Variants in BRINP3 observed in about 807,000 individuals in gnomAD.
The protein encoded by BRINP3 is BMP/retinoic acid-inducible neural-specific protein 3.
BRINP3 carries 19 observed loss-of-function variants against 71.0 expected under a neutral mutation model. The ratio of observed to expected loss-of-function variants is 0.27; its 90% confidence interval spans 0.19 to 0.39. The LOEUF (loss-of-function observed/expected upper bound fraction) is 0.39, where lower values mean the gene tolerates loss of function less well. Among genes scored for constraint, BRINP3 ranks in the 10% least tolerant of loss-of-function variants. The pLI is 1.00. For missense variants in BRINP3, 959 were observed against 940.8 expected, an observed-to-expected ratio of 1.02 and a Z score of -0.25; for synonymous variants, 380 against 337.7, an observed-to-expected ratio of 1.13 and a Z score of -1.37.
rs1447637430 is a variant in BRINP3, at chr1:190,268,412, A to C, written c.428-3357T>G. Among the ~76,000 whole-genome samples the C allele has an allele frequency of 2.6e-5, 4 of 152,198 alleles. No homozygotes were observed. The East Asian group carries it at 7.7e-4, about 29-fold the overall frequency. On this transcript the variant is annotated intron_variant, in intron 3 of 7. Coordinates refer to ENST00000367462, the MANE Select transcript of BRINP3 (RefSeq NM_199051.3). The stretch of plus-strand genomic sequence containing the variant: ...CTCCACCTTGTAAATACTTCTTTAA[A>C]GAAGTGAAATATAGGATCCTAAGCA...
At chr1:190,426,888 A>G (rs943341458) in intron 2 of BRINP3, among the ~76,000 whole-genome samples, 2 of 151,942 alleles carry the variant, frequency 1.3e-5, no homozygotes, top group African/African-American at 4.8e-5. Flanking sequence ...GGGGAGTCCA[A>G]ATGATAGTTA....
chr1:190,346,293 T>G lies in BRINP3; in HGVS notation c.237-64543A>C, dbSNP rs4582792. 8.7e-3 allele frequency among the ~76,000 whole-genome samples: 1,331 copies of G among 152,144 alleles called. 13 individuals are homozygous for G. The highest frequency in any genetic ancestry group is 0.029 in the African/African-American group (1,221 of 41,550). ...AGTGAAGATTTATTTATATGTGAAA[T>G]ATAACTAATATAGGAAAATAATGGG... On this transcript the variant is annotated intron_variant, in intron 2 of 7. Coordinates refer to ENST00000367462, the MANE Select transcript of BRINP3 (RefSeq NM_199051.3).
intron 4 of BRINP3, among the ~76,000 whole-genome samples, chr1:190,256,750 A>C (rs1249011763): frequency 6.6e-6 from 1 of 152,098 alleles, no homozygotes. Context: ...TATGAAGCTT[A>C]GTTTGAGCTG....
At chr1:190,192,632 GT>G (rs1318890812) in intron 6 of BRINP3, among the ~76,000 whole-genome samples, 6 of 151,614 alleles carry the variant, frequency 4.0e-5, no homozygotes, top group African/African-American at 1.2e-4. Flanking sequence ...TATGCAAGAA[GT>G]TCTCTATGAC....
chr1:190,398,831 C>T (rs943101491), intron 2 of BRINP3, among the ~76,000 whole-genome samples: 3 of 152,004 alleles, frequency 2.0e-5, no homozygotes, highest in African/African-American at 7.2e-5. Flanking sequence ...TGATGTGCCT[C>T]TGCTGCCAAA....
intron 1 of BRINP3, among the ~76,000 whole-genome samples, chr1:190,462,726 T>C (rs915556233): frequency 6.6e-6 from 1 of 152,126 alleles, no homozygotes. Context: ...AGATCTCATT[T>C]GTACTCTTGA....
At chr1:190,321,346 G>T (rs1666225373) in intron 2 of BRINP3, among the ~76,000 whole-genome samples, 1 of 151,950 alleles carries the variant, frequency 6.6e-6, no homozygotes, top group African/African-American at 2.4e-5. Context: ...ACCTCCTAAA[G>T]TACCATTCAT....
chr1:190,409,846 A>G (rs1672548147), intron 2 of BRINP3, among the ~76,000 whole-genome samples: 1 of 152,136 alleles, frequency 6.6e-6, no homozygotes, highest in South Asian at 2.1e-4. Context: ...TTTATGGGTA[A>G]AGAGTAATGA....
At chr1:190,264,525 G>C (rs1483875973) in intron 4 of BRINP3, among the ~76,000 whole-genome samples, 1 of 152,042 alleles carries the variant, frequency 6.6e-6, no homozygotes, top group African/African-American at 2.4e-5. Context: ...ATAAATTAAG[G>C]AGAATTATAA....
At chr1:190,263,061 T>C (rs1175288840) in intron 4 of BRINP3, among the ~76,000 whole-genome samples, 1 of 152,156 alleles carries the variant, frequency 6.6e-6, no homozygotes, top group Non-Finnish European at 1.5e-5. Context: ...ACAGACACAC[T>C]TGGTGCTGAA....
intron 6 of BRINP3, among the ~76,000 whole-genome samples, chr1:190,193,780 G>C (rs1274841402): frequency 6.6e-6 from 1 of 152,054 alleles, no homozygotes; most frequent in Non-Finnish European, 1.5e-5. Flanking sequence ...ACTCTGGACA[G>C]TTTTATAATC....
At position 190,185,043 on chromosome 1, in the gene BRINP3, C is replaced by T. The variant is rs144584320; in HGVS notation, c.962-24153G>A. On this transcript the variant is annotated intron_variant, in intron 6 of 7. Coordinates refer to ENST00000367462, the MANE Select transcript of BRINP3 (RefSeq NM_199051.3). Reference sequence around the variant, plus strand: ...GAAGAACTTCATGACATTTGCCTTGCCAATTATTTCGTAGTTATGACACCA... The same window carrying T: ...GAAGAACTTCATGACATTTGCCTTGTCAATTATTTCGTAGTTATGACACCA... Among the ~76,000 whole-genome samples the T allele has an allele frequency of 2.2e-3, 342 of 152,124 alleles. 1 individual carries two copies. Among genetic ancestry groups the T allele is most frequent in the Non-Finnish European group, 4.0e-3 (270 of 67,990 alleles).
At chr1:190,141,555 C>CTTTTTTTT (rs35090212) in intron 7 of BRINP3, among the ~76,000 whole-genome samples, 116 of 82,400 alleles carry the variant, frequency 1.4e-3, no homozygotes, top group Middle Eastern at 0.012. Flanking sequence ...TCTTTCTTTC[C>CTTTTTTTT]TTTTTTTTTT....
At chr1:190,354,522 G>T (rs1384578028) in intron 2 of BRINP3, among the ~76,000 whole-genome samples, 1 of 151,918 alleles carries the variant, frequency 6.6e-6, no homozygotes, top group Non-Finnish European at 1.5e-5. Flanking sequence ...ATAAATATAT[G>T]TTCTTTGTAC....
At chr1:190,379,419 A>G (rs929596311) in intron 2 of BRINP3, among the ~76,000 whole-genome samples, 1 of 152,122 alleles carries the variant, frequency 6.6e-6, no homozygotes, top group Non-Finnish European at 1.5e-5. Context: ...ACAGCTTGAG[A>G]TTATTGCTAT....
intron 2 of BRINP3, among the ~76,000 whole-genome samples, chr1:190,365,249 A>G (rs1669405947): frequency 6.6e-6 from 1 of 152,072 alleles, no homozygotes; most frequent in Non-Finnish European, 1.5e-5. Context: ...AGCAGAGATG[A>G]CCACTGTGAA....
At chr1:190,270,893 C>G (rs1389312049) in intron 3 of BRINP3, among the ~76,000 whole-genome samples, 1 of 151,516 alleles carries the variant, frequency 6.6e-6, no homozygotes, top group African/African-American at 2.4e-5. Flanking sequence ...GTTTTATACA[C>G]ATTCTTGTAT....
At chr1:190,183,360 A>C (rs961526448) in intron 6 of BRINP3, among the ~76,000 whole-genome samples, 1 of 151,984 alleles carries the variant, frequency 6.6e-6, no homozygotes, top group African/African-American at 2.4e-5. Context: ...AAAATTCCCA[A>C]ATTTTAGGTA....
intron 7 of BRINP3, among the ~76,000 whole-genome samples, chr1:190,119,949 T>G (rs1184700290): frequency 2.6e-5 from 4 of 152,242 alleles, no homozygotes; most frequent in African/African-American, 9.6e-5. Flanking sequence ...CAGCTGTTTG[T>G]TAGCTTAACT....
Sources: allele counts gnomAD v4.1 joint callset (sites outside exome capture counted in the v4.1 genomes callset), GRCh38; gene constraint gnomAD v4.1.1; transcripts MANE v1.5; gene names NCBI Gene and HGNC (gene_info 2026-07-23, HGNC 2026-07-21).